Variants in TRABD2A observed in about 807,000 individuals in gnomAD.
The protein encoded by TRABD2A is metalloprotease TIKI1.
TRABD2A carries 43 observed loss-of-function variants against 45.6 expected under a neutral mutation model. That is an observed-to-expected ratio of 0.94 (90% CI 0.74 to 1.22). TRABD2A has a LOEUF of 1.22. TRABD2A is among the 50% of genes most tolerant of loss of function. The pLI, the probability that TRABD2A is intolerant of heterozygous loss-of-function variation, is 0.00. For missense variants in TRABD2A, 642 were observed against 652.4 expected (o/e 0.98, Z 0.17); for synonymous variants, 269 against 265.0 (o/e 1.02, Z -0.15).
At chr2:84,838,567 C>T (rs947798069) in intron 4 of TRABD2A, among the ~76,000 whole-genome samples, 2 of 152,308 alleles carry the variant, frequency 1.3e-5, no homozygotes, top group East Asian at 1.9e-4. Context: ...AAGCCCAGCC[C>T]AGCAAATGAT....
chr2:84,839,061 A>T, intron 4 of TRABD2A, 88 bp downstream of exon 4: 1 of 1,462,398 alleles, frequency 6.8e-7, no homozygotes, highest in Admixed American at 2.0e-5. Flanking sequence ...TGACTAACAC[A>T]GGCCCTAAGC....
At chr2:84,841,026 A>T (rs1413892929) in intron 3 of TRABD2A, among the ~76,000 whole-genome samples, 1 of 152,100 alleles carries the variant, frequency 6.6e-6, no homozygotes, top group South Asian at 2.1e-4. Context: ...CCTGTACAGC[A>T]TCACCCACAC....
intron 1 of TRABD2A, chr2:84,875,098 G>T: frequency 6.0e-6 from 1 of 166,522 alleles, no homozygotes. Context: ...GAAGCACAAA[G>T]GAAAACATTT....
intron 4 of TRABD2A, 137 bp downstream of exon 4, chr2:84,839,012 A>G: frequency 1.0e-6 from 1 of 975,952 alleles, no homozygotes; most frequent in Non-Finnish European, 1.5e-6. Flanking sequence ...TGCAACTGAA[A>G]TAAGTCAAGG....
At chr2:84,878,916 G>A (rs1194514809) in intron 1 of TRABD2A, among the ~76,000 whole-genome samples, 1 of 152,194 alleles carries the variant, frequency 6.6e-6, no homozygotes, top group Non-Finnish European at 1.5e-5. Flanking sequence ...CCACAGAATA[G>A]AACAGCAATT....
intron 2 of TRABD2A, among the ~76,000 whole-genome samples, chr2:84,865,188 C>T (rs1682636089): frequency 6.6e-6 from 1 of 152,088 alleles, no homozygotes; most frequent in Admixed American, 6.6e-5. Flanking sequence ...GGAAGTATGT[C>T]CACTGAGCCC....
At chr2:84,823,565 G>T (rs1008222071) in intron 6 of TRABD2A, among the ~76,000 whole-genome samples, 1 of 152,134 alleles carries the variant, frequency 6.6e-6, no homozygotes, top group Non-Finnish European at 1.5e-5. Context: ...CTTACAATGT[G>T]GGGGTTAAAC....
At chr2:84,873,520 T>C (rs1253229546) in intron 1 of TRABD2A, among the ~76,000 whole-genome samples, 1 of 152,192 alleles carries the variant, frequency 6.6e-6, no homozygotes, top group African/African-American at 2.4e-5. Flanking sequence ...TCTTATGCAG[T>C]AATAAGGGCC....
intron 5 of TRABD2A, among the ~76,000 whole-genome samples, chr2:84,825,091 T>A (rs1390470241): frequency 6.6e-6 from 1 of 152,160 alleles, no homozygotes; most frequent in Non-Finnish European, 1.5e-5. Flanking sequence ...TAGATGTCAA[T>A]CCCATTGGTC....
At chr2:84,845,574 G>T (rs1316221383) in intron 2 of TRABD2A, among the ~76,000 whole-genome samples, 2 of 151,928 alleles carry the variant, frequency 1.3e-5, no homozygotes. Flanking sequence ...CAAGGGCGGG[G>T]GAAGAAGGGT....
intron 2 of TRABD2A, among the ~76,000 whole-genome samples, chr2:84,853,792 G>A (rs1353737697): frequency 6.6e-6 from 1 of 152,194 alleles, no homozygotes; most frequent in Non-Finnish European, 1.5e-5. Flanking sequence ...ACTTTGGGAG[G>A]CCAAGGCACA....
Position 84,881,057 on chromosome 2 carries a change from C to CAG in TRABD2A, c.-19_-18insCT. 4 of 1,578,706 alleles carry CAG rather than the reference C, an allele frequency of 2.5e-6. No homozygotes were observed. Among genetic ancestry groups the CAG allele is most frequent in the Non-Finnish European group, 3.4e-6 (4 of 1,164,014 alleles). On this transcript the variant is annotated 5_prime_UTR_variant, in exon 1 of 7. Transcript: ENST00000409520. The stretch of plus-strand genomic sequence containing the variant: ...GGACTCATCCTCCTCAAGGCGGCTC[C>CAG]GAGGCCCGGAACGCGGAGGGAAGGA...
intron 2 of TRABD2A, chr2:84,850,598 C>T (rs549100362): frequency 1.3e-5 from 2 of 152,172 alleles, no homozygotes; most frequent in African/African-American, 4.8e-5. Context: ...ACTCCCTTGC[C>T]CTAGAACTAT....
rs192244303 is a variant in TRABD2A, at chr2:84,863,556, C to T, written c.669+6669G>A. Among the ~76,000 whole-genome samples the T allele has an allele frequency of 3.7e-3, 526 of 140,878 alleles. 3 individuals are homozygous for T. The highest frequency in any genetic ancestry group is 0.013 in the African/African-American group (509 of 38,014). The allele number at this position is 140,878 out of a possible 152,430, so 92.4% of individuals were successfully genotyped here. On this transcript the variant is annotated intron_variant, in intron 2 of 6. Coordinates refer to ENST00000409520, the MANE Select transcript of TRABD2A (RefSeq NM_001277053.2). ...CCCATGTGAATCTTAAGATGCCAGT[C>T]TATATCTACATAGCTCTTAGAAAGG...
At position 84,824,014 on chromosome 2, in the gene TRABD2A, G is replaced by C. The variant is rs202220791; in HGVS notation, c.1273C>G (p.Arg425Gly). The C allele has an allele frequency of 6.2e-7, 1 of 1,613,802 alleles. No homozygotes were observed. Among genetic ancestry groups the C allele is most frequent in the South Asian group, 1.1e-5 (1 of 91,038 alleles). ...AEQRFRKKRR[R>G]SQRRPRLRQF... is the part of the protein sequence containing the mutation. Reference sequence around the variant, plus strand: ...CGGAGTCGCGGCCTCCGCTGTGACCGCCTCCGCTTCTTCCGGAACCTCTGT... The same window carrying C: ...CGGAGTCGCGGCCTCCGCTGTGACCCCCTCCGCTTCTTCCGGAACCTCTGT... The change falls in exon 6 of 7, where the codon CGG (arginine) becomes GGG (glycine). Residue 425 changes from arginine (R) to glycine (G), a missense_variant. Transcript: ENST00000409520.
In TRABD2A at chr2:84,832,134, CCATGAAATGA is replaced by C. The variant is rs1168728443; in HGVS notation, c.993_1002del (p.His332AlafsTer16). 1 of 1,613,838 alleles carries C rather than the reference CCATGAAATGA, an allele frequency of 6.2e-7. No homozygotes were observed. The highest frequency in any genetic ancestry group is 1.3e-5 in the African/African-American group (1 of 74,894). ...AAAACATCCAGCACTGTGTTGTTGC[CCATGAAATGA>C]CCTGCAGTGAGAAAAACAACCTGAA... On this transcript the variant is annotated frameshift_variant and splice_region_variant, in exon 5 of 7. Coordinates refer to ENST00000409520, the MANE Select transcript of TRABD2A (RefSeq NM_001277053.2). LOFTEE classifies it high-confidence loss of function.
At chr2:84,853,557 ACAGTT>A (rs1183820936) in intron 2 of TRABD2A, among the ~76,000 whole-genome samples, 1 of 152,166 alleles carries the variant, frequency 6.6e-6, no homozygotes, top group East Asian at 1.9e-4. Context: ...TATGGAAACT[ACAGTT>A]CAGTGTAAGA....
intron 4 of TRABD2A, chr2:84,838,148 T>C (rs1031317433): frequency 1.4e-6 from 1 of 699,552 alleles, no homozygotes; most frequent in African/African-American, 1.8e-5. Context: ...TGGAGGAACT[T>C]TGAACCCATT....
At chr2:84,854,001 A>G (rs1404456187) in intron 2 of TRABD2A, among the ~76,000 whole-genome samples, 1 of 151,814 alleles carries the variant, frequency 6.6e-6, no homozygotes. Context: ...GCCTGGGCAC[A>G]GAGCGAGACT....
Sources: gnomAD v4.1 joint callset for allele counts (sites outside exome capture counted in the v4.1 genomes callset) on GRCh38, gnomAD v4.1.1 for gene constraint, MANE v1.5 for transcripts, NCBI Gene and HGNC (gene_info 2026-07-23, HGNC 2026-07-21) for gene names.